The following C1GALT1C1L variants were observed in gnomAD, a reference collection of about 807,000 sequenced individuals.
C1GALT1C1L encodes the protein C1GALT1-specific chaperone 1-like protein.
Under a neutral mutation model 0.5 loss-of-function variants are expected in C1GALT1C1L, and 1 was observed. The observed-to-expected ratio is 2.11, with a 90% CI of 0.75 to 10.02. C1GALT1C1L has a LOEUF of 10.02. Ranked by LOEUF, C1GALT1C1L falls within the 30% of genes most tolerant of loss-of-function variation. The pLI is 0.13. For synonymous variants in C1GALT1C1L, 148 were observed against 132.6 expected, an observed-to-expected ratio of 1.12 and a Z score of -0.80; for missense variants, 444 against 375.5, an observed-to-expected ratio of 1.18 and a Z score of -1.51.
chr2:43,675,484 G>A lies in C1GALT1C1L; in HGVS notation c.839C>T (p.Pro280Leu), dbSNP rs770288665. Residue 280 changes from proline to leucine, a missense_variant, in exon 1 of 1, where the codon CCC (proline) becomes CTC (leucine). Transcript: ENST00000475092. Reference protein sequence around the residue: ...DMAITFNGLTPQKMEVMMYGL... With the variant: ...DMAITFNGLTLQKMEVMMYGL... ...ATACATCATTACTTCCATCTTTTGG[G>A]GGGTCAGTCCATTGAAAGTAATAGC... The A allele has an allele frequency of 6.2e-7, 1 of 1,613,826 alleles. No homozygotes were observed. Among genetic ancestry groups the A allele is most frequent in the Non-Finnish European group, 8.5e-7 (1 of 1,179,888 alleles).
rs1204181913 is a variant in C1GALT1C1L at position 43,676,056 on chromosome 2, C to A, written c.267G>T (p.Glu89Asp). Residue 89 changes from glutamate (E) to aspartate (D), a missense_variant, in exon 1 of 1, where the codon GAG becomes GAT. By Grantham distance (45) the Glu-to-Asp change is conservative. Transcript: ENST00000475092. ...CTTTGTCACAGTGTTTGGTCCAGGT[C>A]TCTTTCAGTACAGCCCAGTAACTCT... ...EDESYWAVLK[E>D]TWTKHCDKAE... 1.9e-6 allele frequency: 3 copies of A among 1,613,938 alleles called. No homozygotes were observed. In the Admixed American group the frequency reaches 5.0e-5, roughly 27 times the overall value.
At position 43,675,770 on chromosome 2, in the gene C1GALT1C1L, T is replaced by C. The variant is rs765303651; in HGVS notation, c.553A>G (p.Ile185Val). ...DLEYVTVEGG[I>V]VLSRELMKRL... ...TTCATCAACTCTCTGCTTAAGACAA[T>C]CCCTCCTTCCACAGTCACGTATTCG... Residue 185 changes from isoleucine (I) to valine (V), a missense_variant, in exon 1 of 1, where the codon ATT (isoleucine) becomes GTT (valine). Transcript: ENST00000475092. The C allele has an allele frequency of 1.2e-6, 2 of 1,613,642 alleles. No homozygotes were observed. The highest frequency in any genetic ancestry group is 4.5e-5 in the East Asian group (2 of 44,876).
rs1367594167 is a variant in C1GALT1C1L, at chr2:43,676,273, C to T, written c.50G>A (p.Ser17Asn). Residue 17 changes from serine to asparagine, a missense_variant, in exon 1 of 1, where the codon AGC becomes AAC. By Grantham distance (46) the Ser-to-Asn change is conservative. Transcript: ENST00000475092. ...TSFFKGMLLG[S>N]ISWVLITMFG... ...CATAGTTATCAAAACCCAGGAAATG[C>T]TCCCAAGCAACATACCCTTAAAAAA... 1 of 1,613,412 alleles carries T rather than the reference C, an allele frequency of 6.2e-7. No homozygotes were observed. The highest frequency in any genetic ancestry group is 1.3e-5 in the African/African-American group (1 of 74,922).
At position 43,675,415 on chromosome 2, in the gene C1GALT1C1L, G is replaced by A. The variant is rs752568720; in HGVS notation, c.908C>T (p.Thr303Ile). ...ACCAACTGGAGGCAAGAAAACGAGT[G>A]TGTCATTGAAATAGTGTCCAAATGC... is the stretch of plus-strand genomic sequence containing the variant. ...LRAFGHYFNDTLVFLPPVGSE... is the reference protein window; with the variant it reads ...LRAFGHYFNDILVFLPPVGSE... Residue 303 changes from threonine to isoleucine, a missense_variant, in exon 1 of 1, where the codon ACA becomes ATA. Thr to Ile is a moderately conservative substitution (Grantham distance 89, BLOSUM62 -1). Transcript: ENST00000475092. 2.3e-5 allele frequency: 37 copies of A among 1,606,932 alleles called. No homozygotes were observed. In the South Asian group the frequency reaches 4.1e-4, roughly 18 times the overall value.
Position 43,675,562 on chromosome 2 carries a change from T to A in C1GALT1C1L, c.761A>T (p.Glu254Val), listed in dbSNP as rs373495442. The change falls in exon 1 of 1, where the codon GAG (glutamate) becomes GTG (valine). Residue 254 changes from glutamate (E) to valine (V), a missense_variant. By Grantham distance (121) the Glu-to-Val change is moderately radical (BLOSUM62 -2). Coordinates refer to ENST00000475092, the MANE Select transcript of C1GALT1C1L (RefSeq NM_001101330.3). The part of the protein sequence containing the change: ...NTKPIAQLIE[E>V]ALSNNPQQVV... Reference sequence around the variant, plus strand: ...TTGCTGAGGGTTATTAGACAATGCCTCTTCAATAAGCTGTGCGATTGGTTT... The same window carrying A: ...TTGCTGAGGGTTATTAGACAATGCCACTTCAATAAGCTGTGCGATTGGTTT... The A allele has an allele frequency of 7.4e-6, 12 of 1,613,772 alleles. No individual in the cohort carries two copies. In the Middle Eastern group the frequency reaches 4.9e-4, roughly 66 times the overall value.
Position 43,675,937 on chromosome 2 carries a change from T to A in C1GALT1C1L, c.386A>T (p.Glu129Val). The A allele has an allele frequency of 6.2e-7, 1 of 1,614,022 alleles. No individual in the cohort carries two copies. Among genetic ancestry groups the A allele is most frequent in the South Asian group, 1.1e-5 (1 of 91,082 alleles). ...QMRTAYKYVF[E>V]KYGDNYNWFF... ...CCAGTTGTAGTTGTCACCATACTTT[T>A]CAAAGACGTATTTGTAAGCGGTCCT... The change falls in exon 1 of 1, where the codon GAA (glutamate) becomes GTA (valine). Residue 129 changes from glutamate to valine, a missense_variant. By Grantham distance (121) the Glu-to-Val change is moderately radical. Transcript: ENST00000475092.
chr2:43,675,284 A>T lies in C1GALT1C1L; in HGVS notation c.*91T>A. On this transcript the variant is annotated 3_prime_UTR_variant, in exon 1 of 1. Transcript: ENST00000475092. ...TAATAATATATGAATTATTGAATGA[A>T]GTACGTATTTTACACTTACACTGTA... is the stretch of plus-strand genomic sequence containing the variant. The T allele has an allele frequency of 1.4e-6, 1 of 732,272 alleles. No homozygotes were observed. Among genetic ancestry groups the T allele is most frequent in the East Asian group, 2.8e-5 (1 of 35,502 alleles). 45.4% of individuals were successfully genotyped at this position (732,272 alleles called of 1,614,324 possible). A position where few individuals can be genotyped will look rare whatever the true frequency, so the allele number is the denominator to read the frequency against.
rs763548259 is a variant in C1GALT1C1L, at chr2:43,676,040, A to G, written c.283T>C (p.Cys95Arg). Residue 95 changes from cysteine (C) to arginine (R), a missense_variant, in exon 1 of 1, where the codon TGT becomes CGT. Transcript: ENST00000475092. The stretch of plus-strand genomic sequence containing the variant: ...GTATCGTAGAGCTCTGCTTTGTCAC[A>G]GTGTTTGGTCCAGGTCTCTTTCAGT... ...AVLKETWTKH[C>R]DKAELYDTKN... 1.9e-6 allele frequency: 3 copies of G among 1,613,866 alleles called. No individual in the cohort carries two copies. The highest frequency in any genetic ancestry group is 1.3e-5 in the African/African-American group (1 of 74,902).
In C1GALT1C1L at chr2:43,675,996, G is replaced by C; in HGVS notation, c.327C>G (p.Phe109Leu). 1 of 1,613,948 alleles carries C rather than the reference G, an allele frequency of 6.2e-7. No individual in the cohort carries two copies. The highest frequency in any genetic ancestry group is 8.5e-7 in the Non-Finnish European group (1 of 1,179,880). The change falls in exon 1 of 1, where the codon TTC becomes TTG. Residue 109 changes from phenylalanine to leucine, a missense_variant. Transcript: ENST00000475092. Reference protein sequence around the residue: ...ELYDTKNDNLFNIESNDRWVQ... With the variant: ...ELYDTKNDNLLNIESNDRWVQ... ...CCCACCTGTCATTACTTTCTATATT[G>C]AACAAATTATCATTTTTAGTATCGT...
rs1249834741 is a variant in C1GALT1C1L at position 43,676,340 on chromosome 2, A to G, written c.-18T>C. ...GAAACCATTTTCCAGGCGTTAGGAC[A>G]GTGTGCCAGGGTCAAAGGCAGCCTG... On this transcript the variant is annotated 5_prime_UTR_variant, in exon 1 of 1. Coordinates refer to ENST00000475092, the MANE Select transcript of C1GALT1C1L (RefSeq NM_001101330.3). The G allele has an allele frequency of 6.4e-7, 1 of 1,571,162 alleles. No individual in the cohort carries two copies. The highest frequency in any genetic ancestry group is 8.6e-7 in the Non-Finnish European group (1 of 1,159,032).
chr2:43,675,924 G>T lies in C1GALT1C1L; in HGVS notation c.399C>A (p.Asp133Glu), dbSNP rs774712544. 6.3e-5 allele frequency: 101 copies of T among 1,613,906 alleles called. No individual in the cohort carries two copies. The highest frequency in any genetic ancestry group is 8.1e-5 in the Non-Finnish European group (95 of 1,179,924). Residue 133 changes from aspartate to glutamate, a missense_variant, in exon 1 of 1, where the codon GAC becomes GAA. Physicochemically the swap from Asp to Glu is conservative, Grantham distance 45. Coordinates refer to ENST00000475092, the MANE Select transcript of C1GALT1C1L (RefSeq NM_001101330.3). ...AYKYVFEKYGDNYNWFFLALP... is the reference protein window; with the variant it reads ...AYKYVFEKYGENYNWFFLALP... Reference sequence around the variant, plus strand: ...GTGCAAGGAAGAACCAGTTGTAGTTGTCACCATACTTTTCAAAGACGTATT... The same window carrying T: ...GTGCAAGGAAGAACCAGTTGTAGTTTTCACCATACTTTTCAAAGACGTATT...
chr2:43,676,041 GTGTT>G, the C1GALT1C1L span: 1 of 1,613,996 alleles, frequency 6.2e-7, no homozygotes, highest in East Asian at 2.2e-5. Context: ...CTTTGTCACA[GTGTT>G]TGGTCCAGGT....
In C1GALT1C1L at chr2:43,676,305, C is replaced by G. The variant is rs1381950897; in HGVS notation, c.18G>C (p.Gly6=). Residue 6 remains glycine (G), a synonymous_variant, in exon 1 of 1, where the codon GGG becomes GGC. Transcript: ENST00000475092. The part of the protein sequence containing the change: MVSAS[G]TSFFKGMLLG... ...GCAACATACCCTTAAAAAATGATGT[C>G]CCACTAGCGGAAACCATTTTCCAGG... is the stretch of plus-strand genomic sequence containing the variant. 6.2e-7 allele frequency: 1 copy of G among 1,609,070 alleles called. No individual in the cohort carries two copies. Among genetic ancestry groups the G allele is most frequent in the East Asian group, 2.2e-5 (1 of 44,882 alleles).
chr2:43,676,312 G>A lies in C1GALT1C1L; in HGVS notation c.11C>T (p.Ala4Val), dbSNP rs751628137. 7.5e-6 allele frequency: 12 copies of A among 1,606,676 alleles called. No homozygotes were observed. Among genetic ancestry groups the A allele is most frequent in the South Asian group, 2.2e-5 (2 of 89,812 alleles). The change falls in exon 1 of 1, where the codon GCT becomes GTT. Residue 4 changes from alanine (A) to valine (V), a missense_variant. Coordinates refer to ENST00000475092, the MANE Select transcript of C1GALT1C1L (RefSeq NM_001101330.3). The part of the protein sequence containing the change: MVS[A>V]SGTSFFKGML... ...ACCCTTAAAAAATGATGTCCCACTA[G>A]CGGAAACCATTTTCCAGGCGTTAGG... is the stretch of plus-strand genomic sequence containing the variant.
Position 43,676,142 on chromosome 2 carries a change from G to A in C1GALT1C1L, c.181C>T (p.Leu61Phe), listed in dbSNP as rs1667767004. The A allele has an allele frequency of 6.2e-7, 1 of 1,614,026 alleles. No individual in the cohort carries two copies. The highest frequency in any genetic ancestry group is 1.1e-5 in the South Asian group (1 of 91,082). Residue 61 changes from leucine to phenylalanine, a missense_variant, in exon 1 of 1, where the codon CTC (leucine) becomes TTC (phenylalanine). By Grantham distance (22) the Leu-to-Phe change is conservative (BLOSUM62 0). Coordinates refer to ENST00000475092, the MANE Select transcript of C1GALT1C1L (RefSeq NM_001101330.3). ...NDFLNTSKVI[L>F]LELSKSIRVF... The stretch of plus-strand genomic sequence containing the variant: ...CGAATACTTTTACTGAGCTCCAAGA[G>A]TATCACTTTTGAAGTGTTTAAGAAA...
In C1GALT1C1L at chr2:43,675,719, A is replaced by G. The variant is rs779671583; in HGVS notation, c.604T>C (p.Ser202Pro). The change falls in exon 1 of 1, where the codon TCT becomes CCT. Residue 202 changes from serine (S) to proline (P), a missense_variant. Physicochemically the swap from Ser to Pro is moderately conservative, Grantham distance 74. Coordinates refer to ENST00000475092, the MANE Select transcript of C1GALT1C1L (RefSeq NM_001101330.3). ...MKRLNRLLDNSETCADQSVIW... is the reference protein window; with the variant it reads ...MKRLNRLLDNPETCADQSVIW... ...ACACTTTGATCTGCACAGGTCTCAG[A>G]GTTATCGAGAAGTCTGTTAAGTCTT... 1.2e-6 allele frequency: 2 copies of G among 1,613,910 alleles called. No homozygotes were observed. Among genetic ancestry groups the G allele is most frequent in the South Asian group, 1.1e-5 (1 of 91,044 alleles).
rs1667712663 is a variant in C1GALT1C1L at position 43,675,614 on chromosome 2, A to G, written c.709T>C (p.Tyr237His). The G allele has an allele frequency of 1.2e-6, 2 of 1,613,670 alleles. No individual in the cohort carries two copies. Among genetic ancestry groups the G allele is most frequent in the East Asian group, 4.5e-5 (2 of 44,886 alleles). ...AGVHAENAED[Y>H]EGRDVFNTKP... is the part of the protein sequence containing the mutation. ...GTATTAAATACATCTCTTCCTTCAT[A>G]ATCCTCTGCATTTTCTGCATGAACT... The change falls in exon 1 of 1, where the codon TAT (tyrosine) becomes CAT (histidine). Residue 237 changes from tyrosine to histidine, a missense_variant. Transcript: ENST00000475092.
In C1GALT1C1L at chr2:43,676,049, T is replaced by C. The variant is rs1667757920; in HGVS notation, c.274A>G (p.Thr92Ala). The C allele has an allele frequency of 1.2e-6, 2 of 1,613,894 alleles. No individual in the cohort carries two copies. The highest frequency in any genetic ancestry group is 2.7e-5 in the African/African-American group (2 of 74,922). The change falls in exon 1 of 1, where the codon ACC (threonine) becomes GCC (alanine). Residue 92 changes from threonine (T) to alanine (A), a missense_variant. By Grantham distance (58) the Thr-to-Ala change is moderately conservative. Transcript: ENST00000475092. ...AGCTCTGCTTTGTCACAGTGTTTGG[T>C]CCAGGTCTCTTTCAGTACAGCCCAG... ...SYWAVLKETW[T>A]KHCDKAELYD...
In C1GALT1C1L at chr2:43,676,370, C is replaced by A; in HGVS notation, c.-48G>T. 1 of 1,484,870 alleles carries A rather than the reference C, an allele frequency of 6.7e-7. No individual in the cohort carries two copies. The highest frequency in any genetic ancestry group is 1.3e-5 in the South Asian group (1 of 74,676). 92.0% of individuals were successfully genotyped at this position (1,484,870 alleles called of 1,614,324 possible). On this transcript the variant is annotated 5_prime_UTR_variant, in exon 1 of 1. Transcript: ENST00000475092. ...GCCAGGGTCAAAGGCAGCCTGGGAC[C>A]GGGTCCTGGGGTCCCGCGCCTTCCG...
Sources: gnomAD v4.1 joint callset for allele counts on GRCh38, gnomAD v4.1.1 for gene constraint, MANE v1.5 for transcripts, NCBI Gene and HGNC (gene_info 2026-07-23, HGNC 2026-07-21) for gene names.